DTD1: variants seen among roughly 807,000 people sequenced by gnomAD.
The protein encoded by DTD1 is D-tyrosyl-tRNA deacylase 1 homolog.
Under a neutral mutation model 25.6 loss-of-function variants are expected in DTD1, and 13 were observed. That is an observed-to-expected ratio of 0.51 (90% CI 0.33 to 0.81). The LOEUF is 0.81. Ranked by LOEUF, DTD1 falls within the 30% of genes least tolerant of loss-of-function variation. The pLI is 0.02. For missense variants in DTD1, 193 were observed against 266.4 expected, an observed-to-expected ratio of 0.72 and a Z score of 1.92; for synonymous variants, 110 against 103.6, an observed-to-expected ratio of 1.06 and a Z score of -0.37.
intron 3 of DTD1, among the ~76,000 whole-genome samples, chr20:18,619,273 G>T (rs900721209): frequency 1.3e-5 from 2 of 152,122 alleles, no homozygotes; most frequent in African/African-American, 4.8e-5. Context: ...GGGACTGTTT[G>T]CTGGGTAGAC....
chr20:18,755,934 C>G (rs764388389), intron 5 of DTD1, among the ~76,000 whole-genome samples: 8 of 152,222 alleles, frequency 5.3e-5, no homozygotes, highest in Non-Finnish European at 1.0e-4. Flanking sequence ...CAGCCCCTGT[C>G]GTTTCCTGAC....
chr20:18,699,772 G>A, intron 4 of DTD1, among the ~76,000 whole-genome samples: 1 of 152,166 alleles, frequency 6.6e-6, no homozygotes, highest in Non-Finnish European at 1.5e-5. Context: ...GTGTGTTTGT[G>A]TGTGTGTACG....
intron 4 of DTD1, among the ~76,000 whole-genome samples, chr20:18,656,446 C>T (rs2060892000): frequency 1.3e-5 from 2 of 152,200 alleles, no homozygotes; most frequent in Admixed American, 1.3e-4. Flanking sequence ...GGAATCCAGT[C>T]TCCATTAGCT....
chr20:18,712,526 A>G (rs1226586070), intron 4 of DTD1, among the ~76,000 whole-genome samples: 1 of 152,096 alleles, frequency 6.6e-6, no homozygotes, highest in Non-Finnish European at 1.5e-5. Context: ...TTACAATGGA[A>G]TCATTGGATC....
chr20:18,761,232 G>A (rs916656772), intron 5 of DTD1, among the ~76,000 whole-genome samples: 4 of 152,066 alleles, frequency 2.6e-5, no homozygotes, highest in Non-Finnish European at 5.9e-5. Flanking sequence ...CTACTGTCCT[G>A]CATCCACTGT....
chr20:18,741,734 A>C (rs192730356), intron 4 of DTD1, among the ~76,000 whole-genome samples: 2 of 150,928 alleles, frequency 1.3e-5, no homozygotes, highest in Admixed American at 6.6e-5. Context: ...ATTAAAAAAA[A>C]TTTTTTTTGA....
At chr20:18,691,030 C>T (rs775812763) in intron 4 of DTD1, among the ~76,000 whole-genome samples, 2 of 152,134 alleles carry the variant, frequency 1.3e-5, no homozygotes, top group Non-Finnish European at 1.5e-5. Flanking sequence ...TGTCACTAAT[C>T]ATCAGATAAA....
intron 3 of DTD1, among the ~76,000 whole-genome samples, chr20:18,626,643 C>CTTTA (rs1412373737): frequency 6.6e-6 from 1 of 151,952 alleles, no homozygotes; most frequent in East Asian, 1.9e-4. Flanking sequence ...TTTTTGGGCG[C>CTTTA]TTTACCCTTT....
At chr20:18,733,710 G>A (rs1406313637) in intron 4 of DTD1, among the ~76,000 whole-genome samples, 1 of 152,138 alleles carries the variant, frequency 6.6e-6, no homozygotes, top group Non-Finnish European at 1.5e-5. Context: ...AAACAATGGG[G>A]AATTAGAAAA....
intron 4 of DTD1, among the ~76,000 whole-genome samples, chr20:18,739,607 A>G (rs1169272676): frequency 6.6e-6 from 1 of 152,204 alleles, no homozygotes; most frequent in African/African-American, 2.4e-5. Flanking sequence ...GTGTTTGTAG[A>G]TTGTATGTTC....
chr20:18,680,131 C>T (rs993092168), intron 4 of DTD1, among the ~76,000 whole-genome samples: 1 of 152,160 alleles, frequency 6.6e-6, no homozygotes, highest in African/African-American at 2.4e-5. Flanking sequence ...CTACATTTCA[C>T]ATATACCATT....
At chr20:18,689,616 A>G (rs1182692358) in intron 4 of DTD1, among the ~76,000 whole-genome samples, 3 of 152,154 alleles carry the variant, frequency 2.0e-5, no homozygotes, top group Admixed American at 6.5e-5. Flanking sequence ...TATCACTAAC[A>G]TTGTTTAAAA....
At chr20:18,616,110 T>G (rs927226043) in intron 3 of DTD1, among the ~76,000 whole-genome samples, 1 of 152,242 alleles carries the variant, frequency 6.6e-6, no homozygotes, top group Non-Finnish European at 1.5e-5. Flanking sequence ...GGATCGTGTC[T>G]TCATTGTTAA....
Position 18,589,633 on chromosome 20 carries a change from TG to T in DTD1, c.43+1519del, listed in dbSNP as rs1450255159. Among the ~76,000 whole-genome samples the T allele has an allele frequency of 2.0e-5, 3 of 152,298 alleles. No individual in the cohort carries two copies. The East Asian group carries it at 5.8e-4, about 29-fold the overall frequency. On this transcript the variant is annotated intron_variant, in intron 1 of 5. Coordinates refer to ENST00000377452, the MANE Select transcript of DTD1 (RefSeq NM_080820.6). ...CATGAAAACTGGGAAAATTCATAGA[TG>T]AAAGATGTTTTGCATTATTGAGAAG...
At chr20:18,738,962 G>A (rs1018958950) in intron 4 of DTD1, among the ~76,000 whole-genome samples, 2 of 152,230 alleles carry the variant, frequency 1.3e-5, no homozygotes, top group Non-Finnish European at 2.9e-5. Context: ...AAGAAAGTGC[G>A]AATGTTCTTA....
At chr20:18,668,997 C>G (rs16979460) in intron 4 of DTD1, among the ~76,000 whole-genome samples, 47,283 of 152,112 alleles carry the variant, frequency 0.31, 8,140 homozygotes, top group South Asian at 0.43. Context: ...ATCTGAGAGG[C>G]GCAGCTCACC....
chr20:18,717,505 A>G (rs1053515030), intron 4 of DTD1, among the ~76,000 whole-genome samples: 1 of 152,254 alleles, frequency 6.6e-6, no homozygotes, highest in Non-Finnish European at 1.5e-5. Context: ...TAGTTTATAC[A>G]TAGTAAATTC....
chr20:18,649,664 G>GA (rs774650107), intron 4 of DTD1, among the ~76,000 whole-genome samples: 1 of 152,138 alleles, frequency 6.6e-6, no homozygotes, highest in Non-Finnish European at 1.5e-5. Flanking sequence ...GGTTCAGATG[G>GA]AAAGTGTGAG....
In DTD1 at chr20:18,708,853, G is replaced by A. The variant is rs562298626; in HGVS notation, c.478-35247G>A. On this transcript the variant is annotated intron_variant, in intron 4 of 5. Transcript: ENST00000377452. Reference sequence around the variant, plus strand: ...ACCTGCCCCCGTGGTGGCAGCAGGAGTGCCCCATACCTCCTGTCATCTCCA... The same window carrying A: ...ACCTGCCCCCGTGGTGGCAGCAGGAATGCCCCATACCTCCTGTCATCTCCA... Among the ~76,000 whole-genome samples, 168 of 152,284 alleles carry A rather than the reference G, an allele frequency of 1.1e-3. 1 individual carries two copies. The highest frequency in any genetic ancestry group is 3.9e-3 in the African/African-American group (160 of 41,542).
Sources: allele counts gnomAD v4.1 joint callset (sites outside exome capture counted in the v4.1 genomes callset), GRCh38; gene constraint gnomAD v4.1.1; transcripts MANE v1.5; gene names NCBI Gene and HGNC (gene_info 2026-07-23, HGNC 2026-07-21).